The following STPG2 variants were observed in gnomAD, a reference collection of about 807,000 sequenced individuals.
The protein encoded by STPG2 is sperm-tail PG-rich repeat-containing protein 2.
STPG2 carries 56 observed loss-of-function variants against 54.2 expected under a neutral mutation model. That is an observed-to-expected ratio of 1.03 (90% confidence interval 0.83 to 1.29). The LOEUF is 1.29. Ranked by LOEUF, STPG2 falls within the 50% of genes most tolerant of loss-of-function variation. The pLI is 0.00. For synonymous variants in STPG2, 200 were observed against 181.8 expected, an observed-to-expected ratio of 1.10 and a Z score of -0.81; for missense variants, 596 against 544.9, an observed-to-expected ratio of 1.09 and a Z score of -0.93.
rs866697488 is a variant in STPG2, at chr4:97,739,136, G to T, written c.1205-26322C>A. On this transcript the variant is annotated intron_variant, in intron 9 of 10. Coordinates refer to ENST00000295268, the MANE Select transcript of STPG2 (RefSeq NM_174952.3). Reference sequence around the variant, plus strand: ...CTACTGGGTACATAATGAAATGAAGGCAGAAATCAAGATGTTCTTTGAAAC... The same window carrying T: ...CTACTGGGTACATAATGAAATGAAGTCAGAAATCAAGATGTTCTTTGAAAC... Among the ~76,000 whole-genome samples, 1,178 of 152,070 alleles carry T rather than the reference G, an allele frequency of 7.7e-3. 15 individuals are homozygous for T. Among genetic ancestry groups the T allele is most frequent in the African/African-American group, 0.025 (1,045 of 41,476 alleles).
At chr4:98,026,263 G>A in intron 5 of STPG2, 1 of 830,932 alleles carries the variant, frequency 1.2e-6, no homozygotes, top group Non-Finnish European at 2.0e-6. Flanking sequence ...GCTGCTGAGA[G>A]CTAAACCAAA....
chr4:97,927,151 C>T (rs977374718), intron 8 of STPG2, among the ~76,000 whole-genome samples: 1 of 152,076 alleles, frequency 6.6e-6, no homozygotes, highest in Non-Finnish European at 1.5e-5. Context: ...TATTTAACAA[C>T]TCAAATTAAC....
chr4:97,697,887 G>A (rs908183608), intron 10 of STPG2, among the ~76,000 whole-genome samples: 7 of 152,030 alleles, frequency 4.6e-5, no homozygotes, highest in East Asian at 1.9e-4. Context: ...CCTTTGTTTC[G>A]GCCCATCCCT....
intron 7 of STPG2, 151 bp from the exon 8 acceptor site, chr4:97,944,158 G>C (rs953923925): frequency 8.8e-6 from 5 of 569,696 alleles, no homozygotes; most frequent in Non-Finnish European, 1.5e-5. Flanking sequence ...TTCAAAATAT[G>C]ACACAGAAAG....
At chr4:98,056,308 C>G (rs1326738909) in intron 5 of STPG2, among the ~76,000 whole-genome samples, 1 of 152,144 alleles carries the variant, frequency 6.6e-6, no homozygotes, top group Non-Finnish European at 1.5e-5. Flanking sequence ...CCAACACCAC[C>G]TCCAGTGCAA....
At chr4:97,601,611 G>A (rs1230808459) in intron 10 of STPG2, among the ~76,000 whole-genome samples, 2 of 151,786 alleles carry the variant, frequency 1.3e-5, no homozygotes, top group Non-Finnish European at 2.9e-5. Flanking sequence ...TCTATATGGT[G>A]TAAGGAAGGG....
At chr4:97,666,242 C>A (rs1000456641) in intron 10 of STPG2, among the ~76,000 whole-genome samples, 1 of 152,168 alleles carries the variant, frequency 6.6e-6, no homozygotes, top group African/African-American at 2.4e-5. Context: ...CTCCATGAAC[C>A]ATGCAGCCCC....
At chr4:97,813,688 A>G (rs1727814787) in intron 9 of STPG2, among the ~76,000 whole-genome samples, 3 of 100,704 alleles carry the variant, frequency 3.0e-5, no homozygotes, top group African/African-American at 8.3e-5. Flanking sequence ...AAAAAAAAAA[A>G]AAAAAAAAAA....
At chr4:98,091,062 C>CA (rs1165547196) in intron 5 of STPG2, among the ~76,000 whole-genome samples, 3 of 151,918 alleles carry the variant, frequency 2.0e-5, no homozygotes, top group Non-Finnish European at 2.9e-5. Flanking sequence ...GTATTCTAAG[C>CA]AAAAAATCTA....
chr4:97,773,429 T>C (rs760290448), intron 9 of STPG2, among the ~76,000 whole-genome samples: 1 of 152,140 alleles, frequency 6.6e-6, no homozygotes, highest in Non-Finnish European at 1.5e-5. Flanking sequence ...AAGCAATTCT[T>C]CTGCCTTAGC....
chr4:97,795,126 T>C (rs879516962), intron 9 of STPG2, among the ~76,000 whole-genome samples: 4 of 152,198 alleles, frequency 2.6e-5, no homozygotes, highest in African/African-American at 4.8e-5. Flanking sequence ...TCTATGATTA[T>C]ATTTCCTAGG....
intron 9 of STPG2, among the ~76,000 whole-genome samples, chr4:97,795,313 A>G (rs193159069): frequency 8.3e-4 from 127 of 152,252 alleles, no homozygotes; most frequent in African/African-American, 2.9e-3. Context: ...CGTCATTTAC[A>G]TTAGGTATAT....
intron 5 of STPG2, among the ~76,000 whole-genome samples, chr4:97,993,231 G>A (rs748615437): frequency 2.0e-5 from 3 of 152,074 alleles, no homozygotes; most frequent in Non-Finnish European, 2.9e-5. Flanking sequence ...TATCATAGAT[G>A]ACTTTTATTA....
chr4:97,585,531 G>A (rs1463952697), intron 10 of STPG2, among the ~76,000 whole-genome samples: 2 of 151,956 alleles, frequency 1.3e-5, no homozygotes, highest in Non-Finnish European at 2.9e-5. Context: ...TGGCCAAAGT[G>A]TATTGGTAGA....
At chr4:98,088,755 G>C (rs1738601267) in intron 5 of STPG2, among the ~76,000 whole-genome samples, 1 of 150,470 alleles carries the variant, frequency 6.6e-6, no homozygotes, top group Non-Finnish European at 1.5e-5. Context: ...GAAAGAGTGA[G>C]CTGTTTATAT....
intron 5 of STPG2, among the ~76,000 whole-genome samples, chr4:98,087,644 T>C (rs1424354019): frequency 1.3e-5 from 2 of 149,118 alleles, no homozygotes; most frequent in African/African-American, 5.0e-5. Context: ...CACTGCAAGC[T>C]CCGCCTCCCG....
At chr4:97,900,859 C>A (rs979294223) in intron 8 of STPG2, among the ~76,000 whole-genome samples, 1 of 151,990 alleles carries the variant, frequency 6.6e-6, no homozygotes. Flanking sequence ...ATAATCTTTA[C>A]AACAAACCTC....
intron 5 of STPG2, among the ~76,000 whole-genome samples, chr4:97,996,192 T>C (rs1469424942): frequency 6.6e-6 from 1 of 152,138 alleles, no homozygotes; most frequent in Non-Finnish European, 1.5e-5. Flanking sequence ...CTTCAAACTA[T>C]ACTACAAGGC....
intron 5 of STPG2, among the ~76,000 whole-genome samples, chr4:98,024,235 T>A (rs1451234579): frequency 6.6e-6 from 1 of 152,234 alleles, no homozygotes; most frequent in Non-Finnish European, 1.5e-5. Flanking sequence ...TATAGCACTG[T>A]GAAAACAGAC....
Sources: gnomAD v4.1 joint callset for allele counts (sites outside exome capture counted in the v4.1 genomes callset) on GRCh38, gnomAD v4.1.1 for gene constraint, MANE v1.5 for transcripts, NCBI Gene and HGNC (gene_info 2026-07-23, HGNC 2026-07-21) for gene names.